HECW1: variants seen among roughly 807,000 people sequenced by gnomAD.
HECW1 encodes the protein E3 ubiquitin-protein ligase HECW1.
A neutral mutation model predicts 182.3 loss-of-function variants in HECW1; 61 were observed. The observed-to-expected ratio is 0.33, with a 90% confidence interval of 0.27 to 0.41. The LOEUF (loss-of-function observed/expected upper bound fraction) is 0.41, where lower values mean the gene tolerates loss of function less well. Among genes scored for constraint, HECW1 ranks in the 10% least tolerant of loss-of-function variants. The pLI is 1.00. For synonymous variants in HECW1, 859 were observed against 832.6 expected (o/e 1.03, Z -0.55); for missense variants, 1,739 against 2,108.9 (o/e 0.82, Z 3.44).
chr7:43,393,167 A>C (rs2075103151), intron 6 of HECW1, among the ~76,000 whole-genome samples: 1 of 152,162 alleles, frequency 6.6e-6, no homozygotes, highest in South Asian at 2.1e-4. Flanking sequence ...TGAAACTGCC[A>C]GAGCTTCAAC....
intron 11 of HECW1, among the ~76,000 whole-genome samples, chr7:43,450,231 C>G (rs1283845578): frequency 6.6e-6 from 1 of 152,104 alleles, no homozygotes; most frequent in Non-Finnish European, 1.5e-5. Context: ...TCCCTCAGCC[C>G]CTTGGCTCCC....
At chr7:43,371,788 G>A (rs1257366479) in intron 6 of HECW1, among the ~76,000 whole-genome samples, 2 of 152,136 alleles carry the variant, frequency 1.3e-5, no homozygotes, top group African/African-American at 4.8e-5. Flanking sequence ...TGATTATGGG[G>A]AAAGGTTCTC....
intron 2 of HECW1, among the ~76,000 whole-genome samples, chr7:43,186,591 C>CT (rs1793425274): frequency 6.6e-6 from 1 of 151,494 alleles, no homozygotes; most frequent in Admixed American, 6.6e-5. Context: ...ATGGCATGAA[C>CT]CTGGAAGGCA....
chr7:43,299,684 G>A (rs555057124), intron 3 of HECW1, among the ~76,000 whole-genome samples: 8 of 152,330 alleles, frequency 5.3e-5, no homozygotes, highest in African/African-American at 1.7e-4. Context: ...CGCCTGAGAC[G>A]TTTAAGAAAT....
chr7:43,434,431 A>G (rs2076647429), intron 8 of HECW1, among the ~76,000 whole-genome samples: 1 of 152,252 alleles, frequency 6.6e-6, no homozygotes, highest in African/African-American at 2.4e-5. Flanking sequence ...TGTGAATAAC[A>G]GAGTCCAGAA....
intron 6 of HECW1, among the ~76,000 whole-genome samples, chr7:43,370,684 C>G (rs185022513): frequency 6.5e-4 from 99 of 152,162 alleles, no homozygotes; most frequent in African/African-American, 2.2e-3. Context: ...AAAAAATGAG[C>G]TGCCAAGCTA....
intron 5 of HECW1, among the ~76,000 whole-genome samples, chr7:43,327,919 G>C (rs955684076): frequency 7.3e-5 from 11 of 151,536 alleles, no homozygotes; most frequent in African/African-American, 2.2e-4. Context: ...AGAAGTACAG[G>C]AAAGATAAGT....
intron 24 of HECW1, among the ~76,000 whole-genome samples, chr7:43,536,233 T>A (rs1009996952): frequency 2.0e-5 from 3 of 152,226 alleles, no homozygotes; most frequent in African/African-American, 7.2e-5. Context: ...CATCTCTAAT[T>A]GATAAATAAA....
chr7:43,423,457 C>G (rs2076260306), intron 8 of HECW1, among the ~76,000 whole-genome samples: 1 of 152,168 alleles, frequency 6.6e-6, no homozygotes. Context: ...GAGGCTCATT[C>G]ACAGAACCTG....
chr7:43,537,855 C>T (rs1234814933), intron 24 of HECW1, among the ~76,000 whole-genome samples: 1 of 152,196 alleles, frequency 6.6e-6, no homozygotes, highest in Non-Finnish European at 1.5e-5. Context: ...GTAATTCTGA[C>T]TTTGGAAATT....
intron 3 of HECW1, among the ~76,000 whole-genome samples, chr7:43,251,364 C>T (rs774042029): frequency 2.0e-5 from 3 of 152,058 alleles, no homozygotes; most frequent in African/African-American, 4.8e-5. Context: ...GACTGGAGTG[C>T]GATAGCGCGG....
At chr7:43,415,331 T>G (rs1284129291) in intron 8 of HECW1, among the ~76,000 whole-genome samples, 97 of 138,306 alleles carry the variant, frequency 7.0e-4, no homozygotes, top group South Asian at 1.5e-3. Flanking sequence ...GAAAATTCTT[T>G]TCTTTAAGAA....
chr7:43,375,949 G>T (rs1039219952), intron 6 of HECW1, among the ~76,000 whole-genome samples: 1 of 146,580 alleles, frequency 6.8e-6, no homozygotes, highest in Non-Finnish European at 1.5e-5. Context: ...CCATGGTAAA[G>T]ATAACATTTG....
intron 2 of HECW1, among the ~76,000 whole-genome samples, chr7:43,236,653 C>T (rs1220906914): frequency 2.0e-5 from 3 of 152,050 alleles, no homozygotes; most frequent in African/African-American, 7.2e-5. Context: ...TAGTCTGGCT[C>T]GGTGAATCTG....
chr7:43,401,418 C>T (rs2075401671), intron 7 of HECW1, among the ~76,000 whole-genome samples: 1 of 152,044 alleles, frequency 6.6e-6, no homozygotes, highest in African/African-American at 2.4e-5. Flanking sequence ...ATGAAGAAAT[C>T]AGAACAAACT....
chr7:43,199,566 T>C (rs950984452), intron 2 of HECW1, among the ~76,000 whole-genome samples: 4 of 152,218 alleles, frequency 2.6e-5, no homozygotes, highest in Admixed American at 2.0e-4. Context: ...CTATGTCATA[T>C]GTCCTGTCAA....
rs181200813 is a variant in HECW1, at chr7:43,322,794, G to T, written c.460+2052G>T. Among the ~76,000 whole-genome samples the T allele has an allele frequency of 5.3e-4, 81 of 152,270 alleles. 1 individual carries two copies. Among genetic ancestry groups the T allele is most frequent in the Non-Finnish European group, 9.9e-4 (67 of 68,004 alleles). On this transcript the variant is annotated intron_variant, in intron 5 of 29. Coordinates refer to ENST00000395891, the MANE Select transcript of HECW1 (RefSeq NM_015052.5). ...CGAATGTGTGCACAAACCTACAATGGAAGTTTGGTAAGAGAGGTTTTTCTC... is the reference window on the plus strand; with the variant it reads ...CGAATGTGTGCACAAACCTACAATGTAAGTTTGGTAAGAGAGGTTTTTCTC...
rs142570612 is a variant in HECW1, at chr7:43,267,264, A to G, written c.27+23332A>G. 2.6e-3 allele frequency among the ~76,000 whole-genome samples: 400 copies of G among 152,332 alleles called. 1 individual carries two copies. Among genetic ancestry groups the G allele is most frequent in the African/African-American group, 9.2e-3 (384 of 41,596 alleles). On this transcript the variant is annotated intron_variant, in intron 3 of 29. Transcript: ENST00000395891. ...ACATCCTCAATAAATTTCAAAAAGG[A>G]GAAATTATTGAAGGCACATTTTCCG...
chr7:43,549,579 A>G (rs1026257171), intron 26 of HECW1, among the ~76,000 whole-genome samples: 1 of 152,144 alleles, frequency 6.6e-6, no homozygotes, highest in African/African-American at 2.4e-5. Flanking sequence ...CATGTTATCT[A>G]CCTCCTTGCC....
Sources: allele counts gnomAD v4.1 joint callset (sites outside exome capture counted in the v4.1 genomes callset), GRCh38; gene constraint gnomAD v4.1.1; transcripts MANE v1.5; gene names NCBI Gene and HGNC (gene_info 2026-07-23, HGNC 2026-07-21).